MAN2A1: variants seen among roughly 807,000 people sequenced by gnomAD.
The protein encoded by MAN2A1 is alpha-mannosidase 2.
A neutral mutation model predicts 142.6 loss-of-function variants in MAN2A1; 76 were observed. The observed-to-expected ratio is 0.53, with a 90% CI of 0.44 to 0.65. The LOEUF is 0.65. Ranked by LOEUF, MAN2A1 falls within the 30% of genes least tolerant of loss-of-function variation. MAN2A1 has a pLI of 0.00. For synonymous variants in MAN2A1, 559 were observed against 473.2 expected (o/e 1.18, Z -2.35); for missense variants, 1,311 against 1,365.1 (o/e 0.96, Z 0.62).
chr5:109,764,468 C>T (rs1265230444), intron 5 of MAN2A1, among the ~76,000 whole-genome samples: 1 of 151,990 alleles, frequency 6.6e-6, no homozygotes, highest in East Asian at 1.9e-4. Flanking sequence ...TTATATTGTA[C>T]TTTTTCCTAA....
At chr5:109,812,910 T>C (rs957324778) in intron 12 of MAN2A1, among the ~76,000 whole-genome samples, 1 of 152,212 alleles carries the variant, frequency 6.6e-6, no homozygotes, top group African/African-American at 2.4e-5. Flanking sequence ...GCTAGGTACC[T>C]ATAGTAAGCA....
At chr5:109,859,555 C>T (rs1304100988) in intron 20 of MAN2A1, among the ~76,000 whole-genome samples, 1 of 152,044 alleles carries the variant, frequency 6.6e-6, no homozygotes, top group Non-Finnish European at 1.5e-5. Context: ...TTGATCACAC[C>T]TTTCCCCTAC....
intron 18 of MAN2A1, among the ~76,000 whole-genome samples, chr5:109,847,287 G>A (rs1481506712): frequency 1.3e-5 from 2 of 152,018 alleles, no homozygotes; most frequent in Non-Finnish European, 2.9e-5. Context: ...AACCTCATAA[G>A]CATTTTTGAT....
intron 20 of MAN2A1, chr5:109,864,676 G>A (rs1371487265): frequency 5.7e-6 from 1 of 175,972 alleles, no homozygotes; most frequent in Non-Finnish European, 1.2e-5. Flanking sequence ...TTCAACTGAT[G>A]TGTGTGTTTG....
chr5:109,721,286 A>C (rs973745434), intron 3 of MAN2A1, among the ~76,000 whole-genome samples: 1 of 152,166 alleles, frequency 6.6e-6, no homozygotes, highest in African/African-American at 2.4e-5. Context: ...TATTTAGTTC[A>C]AATTATTCTA....
chr5:109,812,673 G>A (rs1311485307), intron 12 of MAN2A1, among the ~76,000 whole-genome samples: 1 of 151,932 alleles, frequency 6.6e-6, no homozygotes, highest in East Asian at 1.9e-4. Context: ...AACTTTCTTT[G>A]TAATATTGAA....
intron 1 of MAN2A1, among the ~76,000 whole-genome samples, chr5:109,700,332 A>G (rs1750941836): frequency 6.9e-6 from 1 of 144,154 alleles, no homozygotes; most frequent in African/African-American, 2.6e-5. Flanking sequence ...TCAAACTGCC[A>G]TGCTTCTTCT....
At chr5:109,854,614 A>G (rs969463925) in intron 19 of MAN2A1, 1 of 152,156 alleles carries the variant, frequency 6.6e-6, no homozygotes, top group African/African-American at 2.4e-5. Context: ...GTTTTCTTTA[A>G]ATTCTGTCAT....
rs1238254874 is a variant in MAN2A1 at position 109,789,502 on chromosome 5, A to G, written c.1918A>G (p.Ile640Val). Residue 640 changes from isoleucine (I) to valine (V), a missense_variant, in exon 12 of 22, where the codon ATA (isoleucine) becomes GTA (valine). Ile to Val is a conservative substitution (Grantham distance 29). Around this residue, in one of 3 missense-constraint regions of MAN2A1, gnomAD observed 890 missense variants for 920.5 expected, o/e 0.97. Coordinates refer to ENST00000261483, the MANE Select transcript of MAN2A1 (RefSeq NM_002372.4). ...ACAAGATTCTCTGCCACAAAAAAAT[A>G]TAATAAGGCTGAGTGCGGAGCCAAG... is the stretch of plus-strand genomic sequence containing the variant. ...KSQDSLPQKN[I>V]IRLSAEPRYL... is the part of the protein sequence containing the mutation. 3.1e-6 allele frequency: 5 copies of G among 1,588,786 alleles called. No homozygotes were observed. In the South Asian group the frequency reaches 3.4e-5, roughly 11 times the overall value.
At chr5:109,855,637 T>C (rs1580320525) in intron 20 of MAN2A1, among the ~76,000 whole-genome samples, 1 of 152,198 alleles carries the variant, frequency 6.6e-6, no homozygotes, top group South Asian at 2.1e-4. Context: ...CATTTCTCCT[T>C]GTTAGACAAT....
intron 4 of MAN2A1, among the ~76,000 whole-genome samples, chr5:109,741,097 C>T (rs1490730852): frequency 1.3e-5 from 2 of 152,100 alleles, no homozygotes; most frequent in East Asian, 1.9e-4. Context: ...AGATTTGTCT[C>T]ACTCAGATTC....
chr5:109,798,540 A>G (rs1753924826), intron 12 of MAN2A1, among the ~76,000 whole-genome samples: 1 of 152,096 alleles, frequency 6.6e-6, no homozygotes, highest in South Asian at 2.1e-4. Context: ...CAGTTTTTTC[A>G]CTATTAGCCT....
chr5:109,795,165 G>T (rs372052789), intron 12 of MAN2A1, among the ~76,000 whole-genome samples: 1 of 152,094 alleles, frequency 6.6e-6, no homozygotes, highest in Non-Finnish European at 1.5e-5. Context: ...ATCTTATTTG[G>T]TGTTTGCCAT....
rs1754587643 is a variant in MAN2A1, at chr5:109,820,229, A to G, written c.2338A>G (p.Thr780Ala). 5.0e-6 allele frequency: 8 copies of G among 1,603,994 alleles called. No individual in the cohort carries two copies. The highest frequency in any genetic ancestry group is 1.1e-5 in the South Asian group (1 of 89,626). Residue 780 changes from threonine to alanine, a missense_variant, in exon 15 of 22, where the codon ACT becomes GCT. By Grantham distance (58) the Thr-to-Ala change is moderately conservative. This residue lies in a region of MAN2A1 where 890 missense variants were observed against 920.5 expected (regional missense o/e 0.97). Coordinates refer to ENST00000261483, the MANE Select transcript of MAN2A1 (RefSeq NM_002372.4). Reference protein sequence around the residue: ...DQTGLMKQMMTKEDGKHHEVN... With the variant: ...DQTGLMKQMMAKEDGKHHEVN... Reference sequence around the variant, plus strand: ...TTTTTTTAATCTTTAGCAAATGATGACTAAAGAAGATGGTAAACACCATGA... The same window carrying G: ...TTTTTTTAATCTTTAGCAAATGATGGCTAAAGAAGATGGTAAACACCATGA...
At chr5:109,833,445 A>G (rs1209711215) in intron 16 of MAN2A1, among the ~76,000 whole-genome samples, 1 of 152,150 alleles carries the variant, frequency 6.6e-6, no homozygotes, top group Admixed American at 6.5e-5. Flanking sequence ...AGGCTAGCAG[A>G]TCACTCGTGG....
In MAN2A1 at chr5:109,705,488, G is replaced by C. The variant is rs116570744; in HGVS notation, c.136-8032G>C. Among the ~76,000 whole-genome samples, 758 of 152,198 alleles carry C rather than the reference G, an allele frequency of 5.0e-3. 6 individuals carry two copies. Among genetic ancestry groups the C allele is most frequent in the African/African-American group, 0.017 (714 of 41,522 alleles). ...CACGGCCTCACCCTCCATTGCTTGGGCTCACAGCTCCTTAGGGTCATGGCT... is the reference window on the plus strand; with the variant it reads ...CACGGCCTCACCCTCCATTGCTTGGCCTCACAGCTCCTTAGGGTCATGGCT... On this transcript the variant is annotated intron_variant, in intron 1 of 21. Transcript: ENST00000261483.
In MAN2A1 at chr5:109,781,669, A is replaced by C. The variant is rs1753461780; in HGVS notation, c.1577+71A>C. ...TATCATAATCTTTTTGTAGAGTTTT[A>C]CGTAATATACATCATTCATGTAGTA... On this transcript the variant is annotated intron_variant, in intron 9 of 21. Transcript: ENST00000261483. 3 of 997,416 alleles carry C rather than the reference A, an allele frequency of 3.0e-6. No individual in the cohort carries two copies. The African/African-American group carries it at 4.9e-5, about 16-fold the overall frequency. 61.8% of individuals were successfully genotyped at this position (997,416 alleles called of 1,614,324 possible).
intron 10 of MAN2A1, among the ~76,000 whole-genome samples, chr5:109,788,214 A>G (rs1303213629): frequency 1.3e-5 from 1 of 76,674 alleles, no homozygotes; most frequent in Non-Finnish European, 2.4e-5. Context: ...ACGTAACTGA[A>G]TTAGGAAAAA....
intron 9 of MAN2A1, among the ~76,000 whole-genome samples, chr5:109,784,421 A>G (rs146780023): frequency 1.4e-3 from 207 of 152,076 alleles, no homozygotes; most frequent in African/African-American, 4.8e-3. Flanking sequence ...AATTTATCCA[A>G]TTTTTCAGAT....
Sources: allele counts gnomAD v4.1 joint callset (sites outside exome capture counted in the v4.1 genomes callset), GRCh38; gene constraint gnomAD v4.1.1; regional missense constraint gnomAD v4.1.1; transcripts MANE v1.5; gene names NCBI Gene and HGNC (gene_info 2026-07-23, HGNC 2026-07-21).